Variants in NBPF26 observed in about 807,000 individuals in gnomAD.
NBPF26 encodes NBPF family member NBPF26.
NBPF26 carries 79 observed loss-of-function variants against 119.6 expected under a neutral mutation model. The observed-to-expected ratio is 0.66, with a 90% confidence interval of 0.55 to 0.80. The LOEUF (loss-of-function observed/expected upper bound fraction) is 0.80, where lower values mean the gene tolerates loss of function less well. Among genes scored for constraint, NBPF26 ranks in the 30% least tolerant of loss-of-function variants. The pLI, the probability that NBPF26 is intolerant of heterozygous loss-of-function variation, is 0.00. For missense variants in NBPF26, 800 were observed against 1,198.2 expected (o/e 0.67, Z 4.91); for synonymous variants, 299 against 457.7 (o/e 0.65, Z 4.43).
rs1553269115 is a variant in NBPF26 at position 120,802,648 on chromosome 1, C to T, written c.752-2908C>T. Among the ~76,000 whole-genome samples the T allele has an allele frequency of 2.1e-4, 25 of 119,170 alleles. 8 individuals carry two copies. Among genetic ancestry groups the T allele is most frequent in the African/African-American group, 1.9e-4 (4 of 21,314 alleles). The allele number at this position is 119,170 out of a possible 152,430, so 78.2% of individuals were successfully genotyped here. On this transcript the variant is annotated intron_variant, in intron 4 of 29. Transcript: ENST00000620612. ...AATCTTTCCTAAGCTGCTCAGCTTACAAGAAAAGGAATCATACTGCTAAGA... is the reference window on the plus strand; with the variant it reads ...AATCTTTCCTAAGCTGCTCAGCTTATAAGAAAAGGAATCATACTGCTAAGA...
intron 2 of NBPF26, among the ~76,000 whole-genome samples, chr1:120,783,548 C>A (rs1434798188): frequency 1.8e-5 from 1 of 55,730 alleles, no homozygotes; most frequent in African/African-American, 1.8e-4. Flanking sequence ...AAGATGATCT[C>A]CTTTTACAAA....
Position 120,785,166 on chromosome 1 carries a change from G to T in NBPF26, c.348G>T (p.Leu116=), listed in dbSNP as rs1651411613. 82 of 1,446,180 alleles carry T rather than the reference G, an allele frequency of 5.7e-5. 18 individuals are homozygous for T. Among genetic ancestry groups the T allele is most frequent in the Non-Finnish European group, 7.3e-5 (79 of 1,082,100 alleles). The allele number at this position is 1,446,180 out of a possible 1,614,324, so 89.6% of individuals were successfully genotyped here. The change falls in exon 3 of 30, where the codon CTG becomes CTT. Residue 116 remains leucine (L), a synonymous_variant. Coordinates refer to ENST00000620612, the Ensembl canonical transcript of NBPF26. ...CATGCTTTGTGTCTCGACCTTGCCT[G>T]AATGGCGGCACATGCCATATGCTCA... is the stretch of plus-strand genomic sequence containing the variant.
intron 15 of NBPF26, among the ~76,000 whole-genome samples, chr1:120,819,166 T>G (rs1353946054): frequency 8.6e-6 from 1 of 116,950 alleles, no homozygotes; most frequent in South Asian, 2.5e-4. Flanking sequence ...GTGCTCCTGT[T>G]TAGGGTGCAT....
exon 4 of NBPF26, chr1:120,793,410 A>G: frequency 2.1e-6 from 3 of 1,441,836 alleles, no homozygotes; most frequent in Non-Finnish European, 2.8e-6. Context: ...GACAGACTGT[A>G]TGTGCCCTGT....
At chr1:120,790,117 G>A (rs1341317307) in intron 3 of NBPF26, among the ~76,000 whole-genome samples, 1 of 92,088 alleles carries the variant, frequency 1.1e-5, no homozygotes, top group Non-Finnish European at 1.9e-5. Context: ...CCGGGTTCAC[G>A]CCATTCTTCT....
At position 120,770,326 on chromosome 1, in the gene NBPF26, C is replaced by T. The variant is rs1222679303; in HGVS notation, c.155+6617C>T. 1.1e-4 allele frequency among the ~76,000 whole-genome samples: 12 copies of T among 108,062 alleles called. 1 individual carries two copies. Among genetic ancestry groups the T allele is most frequent in the Non-Finnish European group, 1.2e-4 (7 of 57,910 alleles). 70.9% of individuals were successfully genotyped at this position (108,062 alleles called of 152,430 possible). On this transcript the variant is annotated intron_variant, in intron 2 of 29. Coordinates refer to ENST00000620612, the Ensembl canonical transcript of NBPF26. ...CCGGGACTATAAGCGCCCGCCACCACGCCCGGCTAATTTTTTGTATTTTTA... is the reference window on the plus strand; with the variant it reads ...CCGGGACTATAAGCGCCCGCCACCATGCCCGGCTAATTTTTTGTATTTTTA...
Position 120,765,165 on chromosome 1 carries a change from GA to G in NBPF26, c.155+1466del, listed in dbSNP as rs1553267428. ...GCTCATTTAGTTTTTCTAGCTGGGG[GA>G]AAAAAAAAACATGTGGTGCATTCTC... On this transcript the variant is annotated intron_variant, in intron 2 of 29. Coordinates refer to ENST00000620612, the Ensembl canonical transcript of NBPF26. Among the ~76,000 whole-genome samples the G allele has an allele frequency of 6.5e-4, 75 of 115,814 alleles. 10 individuals are homozygous for G. Among genetic ancestry groups the G allele is most frequent in the East Asian group, 1.0e-3 (5 of 4,896 alleles). The allele number at this position is 115,814 out of a possible 152,430, so 76.0% of individuals were successfully genotyped here. A position where few individuals can be genotyped will look rare whatever the true frequency, so the allele number is the denominator to read the frequency against.
intron 1 of NBPF26, among the ~76,000 whole-genome samples, chr1:120,730,694 T>C (rs1650866437): frequency 1.1e-5 from 1 of 93,608 alleles, no homozygotes; most frequent in Admixed American, 1.0e-4. Flanking sequence ...AGCCATAGCT[T>C]GGAATAAGAA....
chr1:120,823,902 AT>A, intron 17 of NBPF26, 71 bp from the exon 18 acceptor site: 1 of 477,580 alleles, frequency 2.1e-6, no homozygotes, highest in South Asian at 1.9e-5. Flanking sequence ...TACATTAGCC[AT>A]GAAATCTAGC....
chr1:120,794,504 G>A (rs1651535788), intron 4 of NBPF26, among the ~76,000 whole-genome samples: 1 of 110,728 alleles, frequency 9.0e-6, no homozygotes, highest in Non-Finnish European at 1.7e-5. Context: ...AAAAGAAGTT[G>A]TTCTAGTTAC....
chr1:120,804,382 A>G lies in NBPF26; in HGVS notation c.752-1174A>G, dbSNP rs1651625659. 2.0e-5 allele frequency among the ~76,000 whole-genome samples: 2 copies of G among 99,606 alleles called. 1 individual carries two copies. Among genetic ancestry groups the G allele is most frequent in the Non-Finnish European group, 3.7e-5 (2 of 54,274 alleles). The allele number at this position is 99,606 out of a possible 152,430, so 65.3% of individuals were successfully genotyped here. On this transcript the variant is annotated intron_variant, in intron 4 of 29. Coordinates refer to ENST00000620612, the Ensembl canonical transcript of NBPF26. ...CCCTGACCATAACCTTGATCTTGCC[A>G]TGTTCTGTTAGTGGAATGCAACCCA... is the stretch of plus-strand genomic sequence containing the variant.
At chr1:120,840,561 G>A in exon 30 of NBPF26, 1 of 1,466,004 alleles carries the variant, frequency 6.8e-7, no homozygotes, top group Non-Finnish European at 9.2e-7. Flanking sequence ...TCTCCACCTG[G>A]TGTTCCAGAT....
At chr1:120,765,572 C>T (rs1431897787) in intron 2 of NBPF26, among the ~76,000 whole-genome samples, 1 of 72,142 alleles carries the variant, frequency 1.4e-5, no homozygotes, top group Non-Finnish European at 2.7e-5. Flanking sequence ...TTCAGTGTGG[C>T]GATTCCTCAA....
intron 1 of NBPF26, among the ~76,000 whole-genome samples, chr1:120,752,639 T>C (rs1407985252): frequency 0.49 from 10,594 of 21,812 alleles, 3,239 homozygotes; most frequent in African/African-American, 0.53. Flanking sequence ...GGCACAATCT[T>C]GGCTCATTGC....
At position 120,790,232 on chromosome 1, in the gene NBPF26, T is replaced by A. The variant is rs1401554773; in HGVS notation, c.416-2929T>A. On this transcript the variant is annotated intron_variant, in intron 3 of 29. Transcript: ENST00000620612. ...GCTTTCACCTTGTTAGCCAGAATGG[T>A]CTGGATCGCCTGACCTCATGATCCA... 1.9e-5 allele frequency among the ~76,000 whole-genome samples: 2 copies of A among 106,250 alleles called. 1 individual carries two copies. Among genetic ancestry groups the A allele is most frequent in the Non-Finnish European group, 3.5e-5 (2 of 57,058 alleles). 69.7% of individuals were successfully genotyped at this position (106,250 alleles called of 152,430 possible). A position where few individuals can be genotyped will look rare whatever the true frequency, so the allele number is the denominator to read the frequency against.
rs1571050020 is a variant in NBPF26, at chr1:120,840,234, A to T, written c.4104-116A>T. On this transcript the variant is annotated intron_variant, in intron 29 of 29. Coordinates refer to ENST00000620612, the Ensembl canonical transcript of NBPF26. ...AATAAATTTTTTTTTTACCTCATTA[A>T]TGGATCTATCCTTTTTCTTTTCTAA... 1.9e-5 allele frequency: 26 copies of T among 1,393,652 alleles called. 2 individuals are homozygous for T. In the East Asian group the frequency reaches 6.1e-4, roughly 32 times the overall value. The allele number at this position is 1,393,652 out of a possible 1,614,324, so 86.3% of individuals were successfully genotyped here.
chr1:120,805,197 G>T lies in NBPF26; in HGVS notation c.752-359G>T, dbSNP rs1419585831. 3.2e-5 allele frequency among the ~76,000 whole-genome samples: 4 copies of T among 126,520 alleles called. 1 individual carries two copies. Among genetic ancestry groups the T allele is most frequent in the African/African-American group, 1.5e-4 (4 of 27,104 alleles). 83.0% of individuals were successfully genotyped at this position (126,520 alleles called of 152,430 possible). Reference sequence around the variant, plus strand: ...CCCATTGGTGGTGACCCTCAGGTGAGACTAGGGTGCCTGTGTTTCAGCAAA... The same window carrying T: ...CCCATTGGTGGTGACCCTCAGGTGATACTAGGGTGCCTGTGTTTCAGCAAA... On this transcript the variant is annotated intron_variant, in intron 4 of 29. Transcript: ENST00000620612.
rs1168359637 is a variant in NBPF26, at chr1:120,801,826, C to CAAAAAAA, written c.752-3711_752-3705dup. ...TGGGTGACAGAACAAGACCCTGTCT[C>CAAAAAAA]AAAAAAAAAAAAAAAAAAAAAAAAA... On this transcript the variant is annotated intron_variant, in intron 4 of 29. Coordinates refer to ENST00000620612, the Ensembl canonical transcript of NBPF26. Among the ~76,000 whole-genome samples the CAAAAAAA allele has an allele frequency of 5.5e-4, 5 of 9,078 alleles. 1 individual carries two copies. Among genetic ancestry groups the CAAAAAAA allele is most frequent in the African/African-American group, 1.1e-3 (1 of 892 alleles). 6.0% of individuals were successfully genotyped at this position (9,078 alleles called of 152,430 possible).
At chr1:120,820,645 C>T (rs1298980387) in intron 15 of NBPF26, among the ~76,000 whole-genome samples, 48 of 1,732 alleles carry the variant, frequency 0.028, no homozygotes, top group Non-Finnish European at 0.036. Context: ...CGACCTTTCT[C>T]TCTGGCTGCC....
Sources: gnomAD v4.1 joint callset for allele counts (sites outside exome capture counted in the v4.1 genomes callset) on GRCh38, gnomAD v4.1.1 for gene constraint, MANE v1.5 for transcripts, NCBI Gene and HGNC (gene_info 2026-07-23, HGNC 2026-07-21) for gene names.